Variants in RFPL1 observed in about 807,000 individuals in gnomAD.
The protein encoded by RFPL1 is ret finger protein like 1, also known as ret finger protein-like 1.
A neutral mutation model predicts 9.6 loss-of-function variants in RFPL1; 6 were observed. The ratio of observed to expected loss-of-function variants is 0.62; its 90% confidence interval spans 0.34 to 1.23. The LOEUF (loss-of-function observed/expected upper bound fraction) is 1.23, where lower values mean the gene tolerates loss of function less well. Among genes scored for constraint, RFPL1 ranks in the 50% most tolerant of loss-of-function variants. RFPL1 has a pLI of 0.03. For missense variants in RFPL1, 352 were observed against 398.4 expected (o/e 0.88, Z 0.99); for synonymous variants, 145 against 149.4 (o/e 0.97, Z 0.22).
the RFPL1 span, among the ~76,000 whole-genome samples, chr22:29,429,269 T>C: frequency 2.6e-5 from 4 of 152,080 alleles, no homozygotes; most frequent in African/African-American, 9.7e-5. Flanking sequence ...TTGCCCGGGC[T>C]GGTCCTGTAC....
chr22:29,411,373 C>T, the RFPL1 span, among the ~76,000 whole-genome samples: 2 of 152,110 alleles, frequency 1.3e-5, no homozygotes, highest in Non-Finnish European at 2.9e-5. Context: ...ACATTAGAAG[C>T]GTTCAAATTT....
Position 29,441,800 on chromosome 22 carries a change from C to A in RFPL1, c.632C>A (p.Thr211Lys), listed in dbSNP as rs368609774. The A allele has an allele frequency of 4.3e-6, 7 of 1,613,870 alleles. No individual in the cohort carries two copies. The Admixed American group carries it at 6.7e-5, about 15-fold the overall frequency. Residue 211 changes from threonine to lysine, a missense_variant, in exon 2 of 2, where the codon ACA becomes AAA. By Grantham distance (78) the Thr-to-Lys change is moderately conservative. Transcript: ENST00000354373. ...CGCAAAGGGAGGATCCATCTGACCA[C>A]AGAGCGTGGATTCTGGACTGTGAGT...
the RFPL1 span, among the ~76,000 whole-genome samples, chr22:29,410,462 ATC>A: frequency 1.0e-5 from 1 of 98,612 alleles, no homozygotes; most frequent in Non-Finnish European, 1.8e-5. Flanking sequence ...AGATATATAT[ATC>A]TATATATAGA....
At chr22:29,426,828 T>A in the RFPL1 span, among the ~76,000 whole-genome samples, 1 of 152,146 alleles carries the variant, frequency 6.6e-6, no homozygotes, top group Non-Finnish European at 1.5e-5. Flanking sequence ...GTCCTGTCAG[T>A]TTTCTGTAAT....
chr22:29,412,041 A>G, the RFPL1 span, among the ~76,000 whole-genome samples: 1 of 152,076 alleles, frequency 6.6e-6, no homozygotes, highest in Non-Finnish European at 1.5e-5. Context: ...GTGCCTCGAG[A>G]AAGCAGCTTC....
chr22:29,426,890 G>A, the RFPL1 span, among the ~76,000 whole-genome samples: 10 of 152,212 alleles, frequency 6.6e-5, no homozygotes, highest in African/African-American at 2.4e-4. Context: ...CACCCAGGGG[G>A]ACATCGAGAG....
chr22:29,399,994 CTTTT>C, the RFPL1 span, among the ~76,000 whole-genome samples: 6 of 116,272 alleles, frequency 5.2e-5, no homozygotes, highest in Admixed American at 8.8e-5. Context: ...CTTTTCTTTT[CTTTT>C]TTTTTTTTTT....
the RFPL1 span, among the ~76,000 whole-genome samples, chr22:29,422,487 G>A: frequency 6.6e-6 from 1 of 152,242 alleles, no homozygotes; most frequent in African/African-American, 2.4e-5. Context: ...TGAGGCAGAA[G>A]AATCGCTCGA....
intron 1 of RFPL1, 197 bp downstream of exon 1, chr22:29,439,361 T>C (rs555000447): frequency 8.5e-6 from 7 of 821,862 alleles, no homozygotes; most frequent in East Asian, 5.3e-5. Flanking sequence ...TGGCTGGGCA[T>C]GGTGGCTCAT....
the RFPL1 span, among the ~76,000 whole-genome samples, chr22:29,403,794 T>A: frequency 6.6e-6 from 1 of 152,226 alleles, no homozygotes; most frequent in African/African-American, 2.4e-5. Context: ...TTGGTTTGGC[T>A]GTAAGGAAAG....
At chr22:29,425,645 T>A in the RFPL1 span, among the ~76,000 whole-genome samples, 1 of 152,226 alleles carries the variant, frequency 6.6e-6, no homozygotes, top group South Asian at 2.1e-4. Flanking sequence ...AAGCATTTGA[T>A]GGGAAACATT....
At chr22:29,430,100 C>T in the RFPL1 span, among the ~76,000 whole-genome samples, 6 of 152,068 alleles carry the variant, frequency 3.9e-5, no homozygotes, top group Admixed American at 1.3e-4. Flanking sequence ...CTAGTAGCCA[C>T]GTTGAAGAAA....
chr22:29,408,271 T>C, the RFPL1 span, among the ~76,000 whole-genome samples: 109 of 152,322 alleles, frequency 7.2e-4, no homozygotes, highest in Non-Finnish European at 1.3e-3. Context: ...TAAACTGTTC[T>C]TAAGGTGACA....
At chr22:29,408,695 C>T in the RFPL1 span, among the ~76,000 whole-genome samples, 998 of 151,972 alleles carry the variant, frequency 6.6e-3, 37 homozygotes, top group Admixed American at 0.061. Context: ...CTCTAGCGAC[C>T]GGTCACTGGA....
Position 29,442,222 on chromosome 22 carries a change from G to A in RFPL1, c.*100G>A, listed in dbSNP as rs1321127801. 3 of 826,200 alleles carry A rather than the reference G, an allele frequency of 3.6e-6. No homozygotes were observed. In the South Asian group the frequency reaches 7.8e-5, roughly 22 times the overall value. 51.2% of individuals were successfully genotyped at this position (826,200 alleles called of 1,614,324 possible). Reference sequence around the variant, plus strand: ...GTAAAAGCGTTATACAAAGTCATAGGAGAAAAATATGGGACAATTCATGAT... The same window carrying A: ...GTAAAAGCGTTATACAAAGTCATAGAAGAAAAATATGGGACAATTCATGAT... On this transcript the variant is annotated 3_prime_UTR_variant, in exon 2 of 2. Coordinates refer to ENST00000354373, the Ensembl canonical transcript of RFPL1.
At chr22:29,429,243 C>T in the RFPL1 span, among the ~76,000 whole-genome samples, 928 of 152,102 alleles carry the variant, frequency 6.1e-3, 10 homozygotes, top group Middle Eastern at 0.051. Flanking sequence ...TTTGTAGAGA[C>T]GAGGGTCTTA....
At chr22:29,439,027 G>A (rs1306632864) in exon 1 of RFPL1, 6 of 1,614,034 alleles carry the variant, frequency 3.7e-6, no homozygotes, top group Middle Eastern at 3.3e-4. Context: ...CTACTTTGCT[G>A]TTGCTGTTCC....
At chr22:29,398,054 A>G in the RFPL1 span, among the ~76,000 whole-genome samples, 19 of 152,306 alleles carry the variant, frequency 1.2e-4, no homozygotes, top group African/African-American at 4.3e-4. Context: ...CACCTGTCAG[A>G]GCTCTCAGTG....
the RFPL1 span, among the ~76,000 whole-genome samples, chr22:29,422,827 T>A: frequency 0.54 from 81,275 of 151,280 alleles, 22,886 homozygotes; most frequent in East Asian, 0.73. Flanking sequence ...ACACACACAC[T>A]CTCTCTCTGC....
Sources: gnomAD v4.1 joint callset for allele counts (sites outside exome capture counted in the v4.1 genomes callset) on GRCh38, gnomAD v4.1.1 for gene constraint, MANE v1.5 for transcripts, NCBI Gene and HGNC (gene_info 2026-07-23, HGNC 2026-07-21) for gene names.